PHACTR2: variants seen among roughly 807,000 people sequenced by gnomAD.
The protein encoded by PHACTR2 is chromosome 6 open reading frame 56.
Under a neutral mutation model 76.0 loss-of-function variants are expected in PHACTR2, and 30 were observed. That is an observed-to-expected ratio of 0.39 (90% confidence interval 0.30 to 0.54). PHACTR2 has a LOEUF of 0.54. PHACTR2 is among the 20% of genes least tolerant of loss of function. The pLI, the probability that PHACTR2 is intolerant of heterozygous loss-of-function variation, is 0.61. For synonymous variants in PHACTR2, 292 were observed against 292.5 expected, an observed-to-expected ratio of 1.00 and a Z score of 0.02; for missense variants, 696 against 781.1, an observed-to-expected ratio of 0.89 and a Z score of 1.30.
rs1212040083 is a variant in PHACTR2 at position 143,765,515 on chromosome 6, G to A, written c.949G>A (p.Glu317Lys). 8.1e-6 allele frequency: 13 copies of A among 1,614,084 alleles called. No individual in the cohort carries two copies. The highest frequency in any genetic ancestry group is 4.4e-5 in the South Asian group (4 of 91,088). ...AETRVESFKL[E>K]QTVPGAEEQN... ...GACCAGAGTGGAGAGTTTCAAACTC[G>A]AACAGACTGTCCCTGGAGCTGAGGA... is the stretch of plus-strand genomic sequence containing the variant. The change falls in exon 6 of 13, where the codon GAA (glutamate) becomes AAA (lysine). Residue 317 changes from glutamate (E) to lysine (K), a missense_variant. Coordinates refer to ENST00000440869, the MANE Select transcript of PHACTR2 (RefSeq NM_001100164.2). This position sits in a 1 kb window ranked among gnomAD's most constrained non-coding sequence, Gnocchi z 4.1.
In PHACTR2 at chr6:143,561,458, GA is replaced by G. The variant is rs1775274638; in HGVS notation, c.217+24253del. On this transcript the variant is annotated intron_variant, in intron 1 of 11. Coordinates refer to the PHACTR2 transcript ENST00000367584. This position sits in a 1 kb window ranked among gnomAD's most constrained non-coding sequence, Gnocchi z 4.1. Reference sequence around the variant, plus strand: ...TGATCACCACCCAGGTCCTGTGGTTGAAGTCTCAGCCTTTTGGAGGAAGGCG... The same window carrying G: ...TGATCACCACCCAGGTCCTGTGGTTGAGTCTCAGCCTTTTGGAGGAAGGCG... The G allele has an allele frequency of 6.6e-6, 1 of 152,514 alleles. No homozygotes were observed. The highest frequency in any genetic ancestry group is 2.4e-5 in the African/African-American group (1 of 41,600). The allele number at this position is 152,514 out of a possible 1,614,324, so 9.4% of individuals were successfully genotyped here. A position where few individuals can be genotyped will look rare whatever the true frequency, so the allele number is the denominator to read the frequency against.
intron 1 of PHACTR2, among the ~76,000 whole-genome samples, chr6:143,545,920 C>G (rs544166714): frequency 1.3e-5 from 2 of 152,276 alleles, no homozygotes; most frequent in African/African-American, 4.8e-5. Context: ...TTGACTTACT[C>G]GTGATGGAGT....
At position 143,822,463 on chromosome 6, in the gene PHACTR2, A is replaced by C. The variant is rs540056083; in HGVS notation, c.1923-1211A>C. Among the ~76,000 whole-genome samples the C allele has an allele frequency of 9.0e-4, 137 of 152,342 alleles. No homozygotes were observed. The highest frequency in any genetic ancestry group is 1.2e-3 in the East Asian group (6 of 5,180). On this transcript the variant is annotated intron_variant, in intron 12 of 12. Coordinates refer to ENST00000440869, the MANE Select transcript of PHACTR2 (RefSeq NM_001100164.2). The surrounding 1 kb of genome is among the most constrained non-coding windows in gnomAD (Gnocchi z 5.5). ...GCAAATCGCTTGAGACCAGGAGTTCAAGACCAGCCTAGGTAACATAGCGAG... is the reference window on the plus strand; with the variant it reads ...GCAAATCGCTTGAGACCAGGAGTTCCAGACCAGCCTAGGTAACATAGCGAG...
intron 1 of PHACTR2, among the ~76,000 whole-genome samples, chr6:143,681,248 C>A (rs1777382829): frequency 1.3e-5 from 2 of 152,144 alleles, no homozygotes; most frequent in African/African-American, 4.8e-5. Flanking sequence ...TACAGTTTCT[C>A]CACATCCTTA....
chr6:143,729,917 T>A (rs1312354724), intron 2 of PHACTR2, among the ~76,000 whole-genome samples: 1 of 147,790 alleles, frequency 6.8e-6, no homozygotes. Flanking sequence ...GTAAGAAATT[T>A]CAACAGCATT....
At chr6:143,569,982 G>C (rs756463935) in intron 1 of PHACTR2, among the ~76,000 whole-genome samples, 3 of 152,124 alleles carry the variant, frequency 2.0e-5, no homozygotes, top group African/African-American at 4.8e-5. Flanking sequence ...CACAGAATTC[G>C]ATTCAGTAGA....
intron 12 of PHACTR2, among the ~76,000 whole-genome samples, chr6:143,814,859 C>T (rs984560753): frequency 7.2e-5 from 11 of 152,144 alleles, no homozygotes; most frequent in Admixed American, 7.2e-4. Flanking sequence ...GCCTCGGCCT[C>T]CCAAAGTGCT....
At chr6:143,660,762 C>T (rs976127934) in intron 1 of PHACTR2, among the ~76,000 whole-genome samples, 2 of 151,982 alleles carry the variant, frequency 1.3e-5, no homozygotes, top group African/African-American at 4.8e-5. Flanking sequence ...AAATTAAGGG[C>T]CGAGAGAACT....
At chr6:143,563,315 A>G (rs1465087003) in intron 1 of PHACTR2, among the ~76,000 whole-genome samples, 1 of 152,130 alleles carries the variant, frequency 6.6e-6, no homozygotes, top group East Asian at 1.9e-4. Context: ...CTGTACTCCC[A>G]GCACTTTGAG....
At chr6:143,613,393 A>C (rs890118333) in intron 1 of PHACTR2, among the ~76,000 whole-genome samples, 5 of 152,264 alleles carry the variant, frequency 3.3e-5, no homozygotes, top group Non-Finnish European at 7.3e-5. Flanking sequence ...AAAAATGCCA[A>C]AAGGAAAAAT....
chr6:143,701,969 G>A (rs1777923763), intron 1 of PHACTR2, among the ~76,000 whole-genome samples: 1 of 152,040 alleles, frequency 6.6e-6, no homozygotes, highest in Non-Finnish European at 1.5e-5. Context: ...GAAAAATTGG[G>A]ATCCTAGCAC....
intron 2 of PHACTR2, among the ~76,000 whole-genome samples, chr6:143,728,200 CTT>C (rs769598990): frequency 9.1e-5 from 12 of 131,398 alleles, no homozygotes; most frequent in African/African-American, 2.3e-4. Context: ...TCTTTCTTTC[CTT>C]TTTTTTTTTC....
rs545446056 is a variant in PHACTR2, at chr6:143,824,810, C to T, written c.*1121C>T. 6.6e-6 allele frequency: 1 copy of T among 150,620 alleles called. No individual in the cohort carries two copies. The highest frequency in any genetic ancestry group is 2.0e-4 in the East Asian group (1 of 5,112). The allele number at this position is 150,620 out of a possible 1,614,324, so 9.3% of individuals were successfully genotyped here. On this transcript the variant is annotated 3_prime_UTR_variant, in exon 13 of 13. Transcript: ENST00000440869. The surrounding 1 kb of genome is among the most constrained non-coding windows in gnomAD (Gnocchi z 6.3). ...AAAAAAAGGACACAGATCAAAAAAA[C>T]ACCCAAAGGCTTAACAGAACATGGA...
rs887487917 is a variant in PHACTR2, at chr6:143,695,705, C to T, written c.47-16311C>T. 2.0e-5 allele frequency among the ~76,000 whole-genome samples: 3 copies of T among 152,232 alleles called. 1 individual carries two copies. The highest frequency in any genetic ancestry group is 4.4e-5 in the Non-Finnish European group (3 of 68,038). Reference sequence around the variant, plus strand: ...CATGAGTCTCATAATCAAGAATCCTCTGGGACTTTGTCATCTACATTGAAT... The same window carrying T: ...CATGAGTCTCATAATCAAGAATCCTTTGGGACTTTGTCATCTACATTGAAT... On this transcript the variant is annotated intron_variant, in intron 1 of 12. Coordinates refer to ENST00000440869, the MANE Select transcript of PHACTR2 (RefSeq NM_001100164.2). The surrounding 1 kb of genome is among the most constrained non-coding windows in gnomAD (Gnocchi z 4.4).
chr6:143,745,677 A>T (rs563619062), intron 2 of PHACTR2, among the ~76,000 whole-genome samples: 1 of 152,318 alleles, frequency 6.6e-6, no homozygotes, highest in South Asian at 2.1e-4. Context: ...CGGTGGTTGG[A>T]ATGTTGTGCC....
intron 11 of PHACTR2, among the ~76,000 whole-genome samples, chr6:143,792,744 C>A (rs181039349): frequency 6.6e-6 from 1 of 152,070 alleles, no homozygotes; most frequent in African/African-American, 2.4e-5. Context: ...GCTCCTAGTC[C>A]GCCAAACTAC....
chr6:143,589,996 G>A lies in PHACTR2; in HGVS notation c.217+52789G>A, dbSNP rs1324553054. Among the ~76,000 whole-genome samples, 1 of 152,090 alleles carries A rather than the reference G, an allele frequency of 6.6e-6. No homozygotes were observed. Among genetic ancestry groups the A allele is most frequent in the African/African-American group, 2.4e-5 (1 of 41,410 alleles). ...TCTAAAAATATAATGATCATGCCCA[G>A]GTTGAATTTATTACAGAATATTATA... On this transcript the variant is annotated intron_variant, in intron 1 of 11. Transcript: ENST00000367584. This position sits in a 1 kb window ranked among gnomAD's most constrained non-coding sequence, Gnocchi z 4.4.
chr6:143,540,980 C>T (rs1584048927), intron 1 of PHACTR2, among the ~76,000 whole-genome samples: 1 of 152,146 alleles, frequency 6.6e-6, no homozygotes, highest in Non-Finnish European at 1.5e-5. Context: ...AATGGCTGTT[C>T]GCCAGTACAA....
At chr6:143,637,345 G>T (rs1776475882) in intron 1 of PHACTR2, among the ~76,000 whole-genome samples, 1 of 151,744 alleles carries the variant, frequency 6.6e-6, no homozygotes, top group South Asian at 2.1e-4. Flanking sequence ...AGAAAAGGAA[G>T]GAAGGAAGGA....
Sources: allele counts gnomAD v4.1 joint callset (sites outside exome capture counted in the v4.1 genomes callset), GRCh38; gene constraint gnomAD v4.1.1; non-coding constraint Gnocchi (gnomAD v3.1); transcripts MANE v1.5; gene names NCBI Gene and HGNC (gene_info 2026-07-23, HGNC 2026-07-21).